SAMD8: variants seen among roughly 807,000 people sequenced by gnomAD.
SAMD8 encodes the protein sterile alpha motif domain containing 8.
SAMD8 carries 20 observed loss-of-function variants against 42.0 expected under a neutral mutation model. That is an observed-to-expected ratio of 0.48 (90% CI 0.34 to 0.69). The LOEUF (loss-of-function observed/expected upper bound fraction) is 0.69, where lower values mean the gene tolerates loss of function less well. Ranked by LOEUF, SAMD8 falls within the 30% of genes least tolerant of loss-of-function variation. The probability of loss-of-function intolerance (pLI) is 0.01; values close to 1 mark genes in which losing one functional copy is unlikely to be tolerated. For synonymous variants in SAMD8, 162 were observed against 173.0 expected, an observed-to-expected ratio of 0.94 and a Z score of 0.50; for missense variants, 328 against 511.6, an observed-to-expected ratio of 0.64 and a Z score of 3.46.
At chr10:75,146,650 G>C (rs1840144176) in intron 1 of SAMD8, among the ~76,000 whole-genome samples, 1 of 151,980 alleles carries the variant, frequency 6.6e-6, no homozygotes, top group Admixed American at 6.6e-5. Flanking sequence ...GGATAAATCT[G>C]GTTCTTGTTA....
At chr10:75,151,827 C>T (rs1840294994) in intron 2 of SAMD8, among the ~76,000 whole-genome samples, 1 of 152,166 alleles carries the variant, frequency 6.6e-6, no homozygotes, top group African/African-American at 2.4e-5. Flanking sequence ...GCTGGGATTA[C>T]AGGAGCCCGC....
At chr10:75,104,359 G>C (rs1285559156) in intron 1 of SAMD8, among the ~76,000 whole-genome samples, 1 of 152,174 alleles carries the variant, frequency 6.6e-6, no homozygotes, top group Non-Finnish European at 1.5e-5. Flanking sequence ...TGGCTGCACA[G>C]GCTGCACACT....
chr10:75,113,368 CTTCTT>C (rs902460349), intron 1 of SAMD8, among the ~76,000 whole-genome samples: 9 of 151,088 alleles, frequency 6.0e-5, no homozygotes, highest in African/African-American at 2.2e-4. Flanking sequence ...TTTTCTCTTC[CTTCTT>C]TTCTTTTCTT....
chr10:75,101,922 T>C (rs6480771), intron 1 of SAMD8: 628,902 of 1,367,442 alleles, frequency 0.46, 153,514 homozygotes, highest in East Asian at 0.91. Flanking sequence ...TTCGTGCTGC[T>C]GGCTTTCAGC....
intron 1 of SAMD8, among the ~76,000 whole-genome samples, chr10:75,126,490 G>A (rs1221950975): frequency 1.3e-5 from 2 of 148,306 alleles, no homozygotes; most frequent in Admixed American, 1.3e-4. Context: ...TAACATATGA[G>A]TGCTTTTGCT....
chr10:75,119,203 G>T (rs1345953735), intron 1 of SAMD8, among the ~76,000 whole-genome samples: 2 of 151,808 alleles, frequency 1.3e-5, no homozygotes, highest in Non-Finnish European at 2.9e-5. Context: ...TGTTACTGAG[G>T]CTGGAGTGCA....
At chr10:75,144,985 C>T (rs1840100978) in intron 1 of SAMD8, among the ~76,000 whole-genome samples, 1 of 152,218 alleles carries the variant, frequency 6.6e-6, no homozygotes, top group Admixed American at 6.5e-5. Context: ...ATTTATTGCT[C>T]TTACCTTCTG....
intron 1 of SAMD8, among the ~76,000 whole-genome samples, chr10:75,130,795 G>A (rs1849258831): frequency 6.6e-6 from 1 of 152,038 alleles, no homozygotes; most frequent in African/African-American, 2.4e-5. Flanking sequence ...GTAGGACCTT[G>A]GTCACTTCAC....
rs1056415412 is a variant in SAMD8, at chr10:75,112,042, C to T, written c.-16+320C>T. Among the ~76,000 whole-genome samples the T allele has an allele frequency of 3.9e-5, 6 of 152,222 alleles. No homozygotes were observed. In the South Asian group the frequency reaches 1.2e-3, roughly 32 times the overall value. ...GCAGTGGGGGAAAAAGATCGAAGGT[C>T]CTGCGGGAATGTGGACCCGGAAGAA... On this transcript the variant is annotated intron_variant, in intron 1 of 5. Transcript: ENST00000542569.
chr10:75,161,686 G>GA (rs1840560753), intron 2 of SAMD8, among the ~76,000 whole-genome samples: 1 of 151,844 alleles, frequency 6.6e-6, no homozygotes, highest in African/African-American at 2.4e-5. Flanking sequence ...AAAATTCAGA[G>GA]AAAAAGAGCT....
intron 1 of SAMD8, among the ~76,000 whole-genome samples, chr10:75,114,222 C>A (rs1477796530): frequency 6.6e-6 from 1 of 151,874 alleles, no homozygotes; most frequent in East Asian, 1.9e-4. Context: ...ACCTGTAATC[C>A]CAGCTACTCA....
intron 1 of SAMD8, among the ~76,000 whole-genome samples, chr10:75,103,403 T>G (rs1252844865): frequency 6.6e-6 from 1 of 152,178 alleles, no homozygotes; most frequent in Admixed American, 6.5e-5. Context: ...GCAGAAGCAG[T>G]GTGTCCAGGG....
intron 1 of SAMD8, chr10:75,103,936 C>A: frequency 2.3e-6 from 3 of 1,319,142 alleles, no homozygotes; most frequent in Non-Finnish European, 3.0e-6. Flanking sequence ...GTGTAGGCGC[C>A]AGGAGGAGCC....
At chr10:75,155,027 G>A (rs958857275) in intron 2 of SAMD8, among the ~76,000 whole-genome samples, 21 of 151,930 alleles carry the variant, frequency 1.4e-4, no homozygotes, top group African/African-American at 4.4e-4. Flanking sequence ...GAGTCACTAC[G>A]ACTGCAGGTG....
At position 75,101,980 on chromosome 10, in the gene SAMD8, T is replaced by C. The variant is rs1484359566; in HGVS notation, c.-16+2252T>C. The C allele has an allele frequency of 2.9e-6, 4 of 1,365,276 alleles. No homozygotes were observed. The East Asian group carries it at 1.4e-4, about 47-fold the overall frequency. The allele number at this position is 1,365,276 out of a possible 1,614,324, so 84.6% of individuals were successfully genotyped here. On this transcript the variant is annotated intron_variant, in intron 1 of 3. Coordinates refer to the SAMD8 transcript ENST00000447533. ...GCTGTTTCTATTTTTTGATTTGAGT[T>C]TAATTATAAAGCATGCTGTCTACTC...
At chr10:75,136,998 C>G (rs7095870) in intron 1 of SAMD8, among the ~76,000 whole-genome samples, 150 of 152,182 alleles carry the variant, frequency 9.9e-4, no homozygotes, top group African/African-American at 3.4e-3. Context: ...AATGGTTCAG[C>G]TGCTGTGGAA....
upstream of SAMD8, chr10:75,107,922 CTG>C: frequency 6.7e-7 from 1 of 1,497,682 alleles, no homozygotes; most frequent in Non-Finnish European, 9.0e-7. Flanking sequence ...GCACTGATGA[CTG>C]AGAGGAAATG....
chr10:75,105,900 C>T (rs1367193118), intron 1 of SAMD8: 4 of 1,536,500 alleles, frequency 2.6e-6, no homozygotes, highest in Non-Finnish European at 3.5e-6. Flanking sequence ...AAAACCCTGT[C>T]CCACACACCG....
At chr10:75,159,247 G>A (rs1339479368) in intron 2 of SAMD8, among the ~76,000 whole-genome samples, 1 of 151,650 alleles carries the variant, frequency 6.6e-6, no homozygotes, top group Admixed American at 6.6e-5. Flanking sequence ...TAGTAGAGAC[G>A]GGGTTTCACC....
Sources: allele counts gnomAD v4.1 joint callset (sites outside exome capture counted in the v4.1 genomes callset), GRCh38; gene constraint gnomAD v4.1.1; transcripts MANE v1.5; gene names NCBI Gene and HGNC (gene_info 2026-07-23, HGNC 2026-07-21).